The following KAZN variants were observed in gnomAD, a reference collection of about 807,000 sequenced individuals.
The protein encoded by KAZN is kazrin, periplakin interacting protein.
Under a neutral mutation model 87.4 loss-of-function variants are expected in KAZN, and 40 were observed. The ratio of observed to expected loss-of-function variants is 0.46; its 90% CI spans 0.36 to 0.60. The LOEUF is 0.60. Ranked by LOEUF, KAZN falls within the 20% of genes least tolerant of loss-of-function variation. The pLI is 0.00. For missense variants in KAZN, 898 were observed against 1,073.9 expected (o/e 0.84, Z 2.29); for synonymous variants, 466 against 458.3 (o/e 1.02, Z -0.22).
chr1:14,598,868 G>C lies in KAZN; in HGVS notation c.-130G>C. The C allele has an allele frequency of 6.9e-7, 1 of 1,445,972 alleles. No individual in the cohort carries two copies. Among genetic ancestry groups the C allele is most frequent in the African/African-American group, 1.5e-5 (1 of 66,418 alleles). The allele number at this position is 1,445,972 out of a possible 1,614,324, so 89.6% of individuals were successfully genotyped here. On this transcript the variant is annotated 5_prime_UTR_variant, in exon 1 of 15. Transcript: ENST00000376030. This position sits in a 1 kb window ranked among gnomAD's most constrained non-coding sequence, Gnocchi z 4.2. The stretch of plus-strand genomic sequence containing the variant: ...AGGAACCGGCGCTGCCGGTGCCTGG[G>C]GGTCGGGGCGCGGGCGAAGCCGGGC...
At chr1:14,981,621 G>A (rs967224898) in intron 2 of KAZN, among the ~76,000 whole-genome samples, 5 of 152,316 alleles carry the variant, frequency 3.3e-5, no homozygotes, top group East Asian at 1.9e-4. Context: ...CCAGGTTGCC[G>A]GAGCCCTGCG....
At chr1:14,978,610 A>G (rs990204013) in intron 2 of KAZN, among the ~76,000 whole-genome samples, 3 of 151,986 alleles carry the variant, frequency 2.0e-5, no homozygotes, top group African/African-American at 7.3e-5. Context: ...TCTTCTGGAA[A>G]TTCAGGTCCC....
chr1:14,146,939 C>T (rs1187791094), intron 1 of KAZN, among the ~76,000 whole-genome samples: 1 of 152,102 alleles, frequency 6.6e-6, no homozygotes, highest in Non-Finnish European at 1.5e-5. Flanking sequence ...CTGTCACCCC[C>T]AAGACAGTGA....
At chr1:14,239,795 A>G (rs61771841) in intron 2 of KAZN, among the ~76,000 whole-genome samples, 1 of 151,972 alleles carries the variant, frequency 6.6e-6, no homozygotes, top group Non-Finnish European at 1.5e-5. Flanking sequence ...TTTTAGACCA[A>G]CTGAGTGTGA....
At chr1:13,983,327 C>G (rs1331761499) in intron 1 of KAZN, among the ~76,000 whole-genome samples, 1 of 152,248 alleles carries the variant, frequency 6.6e-6, no homozygotes, top group Non-Finnish European at 1.5e-5. Context: ...CAGCTAAGGC[C>G]CAGCGAGAAA....
At position 14,771,518 on chromosome 1, in the gene KAZN, G is replaced by C. The variant is rs116107897; in HGVS notation, c.226+172295G>C. On this transcript the variant is annotated intron_variant, in intron 1 of 14. Coordinates refer to ENST00000376030, the MANE Select transcript of KAZN (RefSeq NM_201628.3). The stretch of plus-strand genomic sequence containing the variant: ...TTTTCTCAATGAGGGTGTCCCTTTT[G>C]GTTGGGGAACAAGAGTCTAGGATAG... Among the ~76,000 whole-genome samples, 541 of 152,160 alleles carry C rather than the reference G, an allele frequency of 3.6e-3. 3 individuals carry two copies. The highest frequency in any genetic ancestry group is 0.013 in the African/African-American group (521 of 41,538).
At chr1:14,228,391 A>C (rs1647489620) in intron 2 of KAZN, among the ~76,000 whole-genome samples, 1 of 152,160 alleles carries the variant, frequency 6.6e-6, no homozygotes, top group African/African-American at 2.4e-5. Flanking sequence ...AAACTGGGGA[A>C]CCAAGAAGTT....
In KAZN at chr1:13,917,898, A is replaced by C. The variant is rs12063746; in HGVS notation, c.91+24142A>C. 9.1e-3 allele frequency among the ~76,000 whole-genome samples: 1,378 copies of C among 152,182 alleles called. 19 individuals carry two copies. The highest frequency in any genetic ancestry group is 0.031 in the African/African-American group (1,279 of 41,514). On this transcript the variant is annotated intron_variant, in intron 1 of 16. Coordinates refer to the KAZN transcript ENST00000636203. ...AAGCCTGATGACAGCACATGTTTACAGCATGGTTTACTGAATATTTTAAGC... is the reference window on the plus strand; with the variant it reads ...AAGCCTGATGACAGCACATGTTTACCGCATGGTTTACTGAATATTTTAAGC...
At chr1:14,484,951 G>T (rs1309797803) in intron 2 of KAZN, among the ~76,000 whole-genome samples, 3 of 152,148 alleles carry the variant, frequency 2.0e-5, no homozygotes, top group Non-Finnish European at 2.9e-5. Context: ...CACACGCTGA[G>T]CCCAAAACTA....
chr1:14,946,968 T>C (rs1293686908), intron 1 of KAZN, among the ~76,000 whole-genome samples: 1 of 152,202 alleles, frequency 6.6e-6, no homozygotes, highest in Non-Finnish European at 1.5e-5. Flanking sequence ...CGCCCGGAGC[T>C]AGACACGGGA....
chr1:14,448,919 A>G (rs756758873), intron 2 of KAZN, among the ~76,000 whole-genome samples: 1 of 152,188 alleles, frequency 6.6e-6, no homozygotes, highest in Admixed American at 6.5e-5. Context: ...AGGAAGCTAG[A>G]ATGCATCTTA....
intron 1 of KAZN, among the ~76,000 whole-genome samples, chr1:13,907,371 A>G (rs944821086): frequency 2.6e-5 from 4 of 152,156 alleles, no homozygotes; most frequent in African/African-American, 9.7e-5. Context: ...GGTGGGAGCT[A>G]GGACCTAAAT....
chr1:14,165,161 C>G (rs1645798955), intron 1 of KAZN, among the ~76,000 whole-genome samples: 1 of 151,440 alleles, frequency 6.6e-6, no homozygotes, highest in African/African-American at 2.4e-5. Flanking sequence ...TCTGACAGTC[C>G]TAAAATGTGA....
chr1:14,272,371 G>A (rs1357274634), intron 2 of KAZN, among the ~76,000 whole-genome samples: 1 of 152,128 alleles, frequency 6.6e-6, no homozygotes, highest in Non-Finnish European at 1.5e-5. Context: ...ACTGTGTTTG[G>A]CGTTTTCTCT....
intron 1 of KAZN, among the ~76,000 whole-genome samples, chr1:14,864,978 C>A (rs1387160779): frequency 1.3e-5 from 2 of 152,168 alleles, no homozygotes; most frequent in South Asian, 4.1e-4. Flanking sequence ...TTACCCAGCA[C>A]CATGCTAGAC....
intron 2 of KAZN, among the ~76,000 whole-genome samples, chr1:14,218,870 G>A (rs948114449): frequency 1.4e-5 from 2 of 147,956 alleles, no homozygotes; most frequent in African/African-American, 5.0e-5. Flanking sequence ...TTACTATTTT[G>A]CAACTCAGAT....
At chr1:14,334,470 T>C (rs943433094) in intron 2 of KAZN, among the ~76,000 whole-genome samples, 1 of 141,010 alleles carries the variant, frequency 7.1e-6, no homozygotes, top group Non-Finnish European at 1.5e-5. Context: ...CCTGCAGAAA[T>C]GGAAAGTCAG....
chr1:14,717,182 C>G (rs754590996), intron 1 of KAZN, among the ~76,000 whole-genome samples: 24 of 151,620 alleles, frequency 1.6e-4, no homozygotes, highest in East Asian at 5.8e-4. Context: ...CCCACTCCCC[C>G]CTACTCACTG....
chr1:14,996,044 G>A lies in KAZN; in HGVS notation c.418+35169G>A, dbSNP rs917637568. Among the ~76,000 whole-genome samples, 10 of 152,088 alleles carry A rather than the reference G, an allele frequency of 6.6e-5. No individual in the cohort carries two copies. The highest frequency in any genetic ancestry group is 1.9e-4 in the African/African-American group (8 of 41,400). On this transcript the variant is annotated intron_variant, in intron 2 of 14. Coordinates refer to ENST00000376030, the MANE Select transcript of KAZN (RefSeq NM_201628.3). This position sits in a 1 kb window ranked among gnomAD's most constrained non-coding sequence, Gnocchi z 5.9. ...AGACACCTAATGCCATCCTCAGCCCGCGGCCCTCTGTAGCCCCCAGCCCCT... is the reference window on the plus strand; with the variant it reads ...AGACACCTAATGCCATCCTCAGCCCACGGCCCTCTGTAGCCCCCAGCCCCT...
Sources: gnomAD v4.1 joint callset for allele counts (sites outside exome capture counted in the v4.1 genomes callset) on GRCh38, gnomAD v4.1.1 for gene constraint, Gnocchi (gnomAD v3.1) non-coding constraint, MANE v1.5 for transcripts, NCBI Gene and HGNC (gene_info 2026-07-23, HGNC 2026-07-21) for gene names.